The following TRMT6 variants were observed in gnomAD, a reference collection of about 807,000 sequenced individuals.
TRMT6 encodes tRNA (adenine(58)-N(1))-methyltransferase non-catalytic subunit TRM6.
In TRMT6, 34 loss-of-function variants were observed where a neutral mutation model predicts 59.0. That is an observed-to-expected ratio of 0.58 (90% CI 0.44 to 0.77). TRMT6 has a LOEUF of 0.77. Ranked by LOEUF, TRMT6 falls within the 30% of genes least tolerant of loss-of-function variation. The pLI is 0.00. For synonymous variants in TRMT6, 217 were observed against 210.5 expected (o/e 1.03, Z -0.27); for missense variants, 575 against 604.5 (o/e 0.95, Z 0.51).
At chr20:5,941,885 T>C (rs928060066) in intron 8 of TRMT6, 66 bp downstream of exon 8, 2 of 1,325,420 alleles carry the variant, frequency 1.5e-6, no homozygotes, top group Non-Finnish European at 2.1e-6. Context: ...AGAAAGAGAA[T>C]GCCAATCTGT....
chr20:5,943,247 C>T (rs540814593), intron 6 of TRMT6, among the ~76,000 whole-genome samples: 25 of 152,292 alleles, frequency 1.6e-4, no homozygotes, highest in African/African-American at 6.0e-4. Context: ...ATGAAATGAG[C>T]ACCAGCTACC....
chr20:5,945,119 C>T (rs1427538296), intron 2 of TRMT6, among the ~76,000 whole-genome samples: 1 of 152,236 alleles, frequency 6.6e-6, no homozygotes, highest in Non-Finnish European at 1.5e-5. Flanking sequence ...CCCCTACTAT[C>T]CACCTGGATG....
intron 7 of TRMT6, among the ~76,000 whole-genome samples, 163 bp from the exon 8 acceptor site, chr20:5,942,199 A>G (rs1233901041): frequency 6.6e-6 from 1 of 152,224 alleles, no homozygotes; most frequent in East Asian, 1.9e-4. Flanking sequence ...GAAAGCCTAT[A>G]TACTATAAAA....
intron 8 of TRMT6, chr20:5,941,597 T>C: frequency 1.8e-6 from 1 of 545,260 alleles, no homozygotes; most frequent in Non-Finnish European, 3.2e-6. Flanking sequence ...CTTGATTTTT[T>C]AAAAAAAATC....
chr20:5,946,376 G>C (rs1346393891), intron 2 of TRMT6, 30 bp downstream of exon 2: 2 of 1,613,774 alleles, frequency 1.2e-6, no homozygotes, highest in Non-Finnish European at 1.7e-6. Context: ...CAGTTGGAGA[G>C]CATCTATTTC....
At chr20:5,940,704 G>A (rs914760026) in intron 10 of TRMT6, among the ~76,000 whole-genome samples, 6 of 151,696 alleles carry the variant, frequency 4.0e-5, no homozygotes, top group South Asian at 4.1e-4. Flanking sequence ...CTGCAGCCTC[G>A]ACCTCCAGGG....
intron 1 of TRMT6, among the ~76,000 whole-genome samples, chr20:5,949,928 G>T (rs750920611): frequency 2.1e-4 from 20 of 95,660 alleles, no homozygotes; most frequent in Non-Finnish European, 3.1e-4. Context: ...CAGGTGATTA[G>T]GGTGTGGAGA....
In TRMT6 at chr20:5,941,604, A is replaced by G. The variant is rs1051845050; in HGVS notation, c.1113-259T>C. 7 of 552,006 alleles carry G rather than the reference A, an allele frequency of 1.3e-5. No individual in the cohort carries two copies. In the African/African-American group the frequency reaches 1.3e-4, roughly 10 times the overall value. 34.2% of individuals were successfully genotyped at this position (552,006 alleles called of 1,614,324 possible). ...ATGACATTCTTGATTTTTTAAAAAA[A>G]ATCACCTGGAAACAAATCCAACACT... On this transcript the variant is annotated intron_variant, in intron 8 of 10. Coordinates refer to ENST00000203001, the MANE Select transcript of TRMT6 (RefSeq NM_015939.5).
intron 7 of TRMT6, 56 bp downstream of exon 7, chr20:5,942,367 TAACTG>T (rs773363965): frequency 1.2e-5 from 17 of 1,439,058 alleles, no homozygotes; most frequent in East Asian, 2.3e-5. Context: ...TCTCATGACT[TAACTG>T]AAGTTAACTG....
At position 5,938,418 on chromosome 20, in the gene TRMT6, G is replaced by A. The variant is rs908132264; in HGVS notation, c.*117C>T. On this transcript the variant is annotated 3_prime_UTR_variant, in exon 11 of 11. Coordinates refer to ENST00000203001, the MANE Select transcript of TRMT6 (RefSeq NM_015939.5). ...ATATACTCCTCCTTCCTAGAAACGG[G>A]TACATAGACATGTTCTTATTCTTGG... 1 of 1,089,728 alleles carries A rather than the reference G, an allele frequency of 9.2e-7. No individual in the cohort carries two copies. Among genetic ancestry groups the A allele is most frequent in the Non-Finnish European group, 1.3e-6 (1 of 751,270 alleles). 67.5% of individuals were successfully genotyped at this position (1,089,728 alleles called of 1,614,324 possible). A position where few individuals can be genotyped will look rare whatever the true frequency, so the allele number is the denominator to read the frequency against.
intron 7 of TRMT6, 48 bp downstream of exon 7, chr20:5,942,380 C>T: frequency 1.3e-6 from 2 of 1,516,710 alleles, no homozygotes; most frequent in Non-Finnish European, 1.8e-6. Flanking sequence ...CTGAAGTTAA[C>T]TGAGGGACTG....
Position 5,942,884 on chromosome 20 carries a change from C to G in TRMT6, c.668-98G>C, listed in dbSNP as rs1272823409. 5.6e-6 allele frequency: 5 copies of G among 898,076 alleles called. No homozygotes were observed. In the East Asian group the frequency reaches 1.2e-4, roughly 22 times the overall value. The allele number at this position is 898,076 out of a possible 1,614,324, so 55.6% of individuals were successfully genotyped here. On this transcript the variant is annotated intron_variant, in intron 6 of 10. Transcript: ENST00000203001. ...CACAGTAATGAGACTGAAGGTCTTT[C>G]TATTAGTACTTTATTCAGAGGCTGA...
rs1418393703 is a variant in TRMT6 at position 5,938,769 on chromosome 20, A to G, written c.1303-43T>C. On this transcript the variant is annotated intron_variant, in intron 10 of 10. Coordinates refer to ENST00000203001, the MANE Select transcript of TRMT6 (RefSeq NM_015939.5). ...GACATTCATGCTTTCCTAAGACAAT[A>G]AAGTCCATGCTAACAACACATATAC... is the stretch of plus-strand genomic sequence containing the variant. The G allele has an allele frequency of 4.4e-6, 7 of 1,577,686 alleles. No homozygotes were observed. The South Asian group carries it at 7.9e-5, about 18-fold the overall frequency.
In TRMT6 at chr20:5,943,639, T is replaced by C. The variant is rs2088678988; in HGVS notation, c.587A>G (p.Asn196Ser). 6.2e-7 allele frequency: 1 copy of C among 1,614,224 alleles called. No homozygotes were observed. The highest frequency in any genetic ancestry group is 8.5e-7 in the Non-Finnish European group (1 of 1,180,032). ...AATCATTTTGTTGCCAGCACGGATA[T>C]TTCCCAACGTCAACATCTGGGCTAG... ...DTLAQMLTLG[N>S]IRAGNKMIVM... The change falls in exon 6 of 11, where the codon AAT (asparagine) becomes AGT (serine). Residue 196 changes from asparagine (N) to serine (S), a missense_variant. Transcript: ENST00000203001.
In TRMT6 at chr20:5,944,269, C is replaced by T. The variant is rs773702814; in HGVS notation, c.367-16G>A. 1 of 1,449,056 alleles carries T rather than the reference C, an allele frequency of 6.9e-7. No individual in the cohort carries two copies. The highest frequency in any genetic ancestry group is 9.4e-7 in the Non-Finnish European group (1 of 1,067,856). The allele number at this position is 1,449,056 out of a possible 1,614,324, so 89.8% of individuals were successfully genotyped here. A position where few individuals can be genotyped will look rare whatever the true frequency, so the allele number is the denominator to read the frequency against. On this transcript the variant is annotated splice_polypyrimidine_tract_variant and intron_variant, in intron 3 of 10. Coordinates refer to ENST00000203001, the MANE Select transcript of TRMT6 (RefSeq NM_015939.5). Reference sequence around the variant, plus strand: ...GAACTATTTCCTATAAGAAAAGGAGCAAGTAGATTTTCTGAAACTTTACTT... The same window carrying T: ...GAACTATTTCCTATAAGAAAAGGAGTAAGTAGATTTTCTGAAACTTTACTT...
intron 5 of TRMT6, 126 bp downstream of exon 5, chr20:5,943,822 C>T: frequency 6.6e-7 from 1 of 1,516,600 alleles, no homozygotes. Context: ...AGTAAAAGGA[C>T]TTACAATTTA....
chr20:5,939,162 G>A (rs2088634711), intron 10 of TRMT6, among the ~76,000 whole-genome samples: 1 of 152,122 alleles, frequency 6.6e-6, no homozygotes, highest in African/African-American at 2.4e-5. Flanking sequence ...GAAAAGTGTA[G>A]AAATTGGTTT....
At chr20:5,945,291 T>C (rs1030531417) in intron 2 of TRMT6, among the ~76,000 whole-genome samples, 1 of 152,238 alleles carries the variant, frequency 6.6e-6, no homozygotes, top group Admixed American at 6.5e-5. Context: ...CTTGACACTT[T>C]AGCTTCAGCC....
intron 3 of TRMT6, 40 bp downstream of exon 3, chr20:5,944,765 A>C (rs761319467): frequency 1.3e-6 from 2 of 1,541,490 alleles, no homozygotes; most frequent in Non-Finnish European, 8.9e-7. Context: ...CCTAAATGCC[A>C]AACAGACAAA....
Sources: allele counts gnomAD v4.1 joint callset (sites outside exome capture counted in the v4.1 genomes callset), GRCh38; gene constraint gnomAD v4.1.1; transcripts MANE v1.5; gene names NCBI Gene and HGNC (gene_info 2026-07-23, HGNC 2026-07-21).